SORCS2: variants seen among roughly 807,000 people sequenced by gnomAD.
SORCS2 encodes the protein VPS10 domain-containing receptor SorCS2.
Under a neutral mutation model 141.6 loss-of-function variants are expected in SORCS2, and 100 were observed. That is an observed-to-expected ratio of 0.71 (90% confidence interval 0.60 to 0.83). The LOEUF (loss-of-function observed/expected upper bound fraction) is 0.83, where lower values mean the gene tolerates loss of function less well. SORCS2 is among the 40% of genes least tolerant of loss of function. The probability of loss-of-function intolerance (pLI) is 0.00; values close to 1 mark genes in which losing one functional copy is unlikely to be tolerated. For synonymous variants in SORCS2, 789 were observed against 676.9 expected (o/e 1.17, Z -2.57); for missense variants, 1,646 against 1,560.2 (o/e 1.05, Z -0.93).
intron 14 of SORCS2, among the ~76,000 whole-genome samples, chr4:7,705,541 C>A (rs1156880789): frequency 6.6e-6 from 1 of 152,370 alleles, no homozygotes; most frequent in Non-Finnish European, 1.5e-5. Flanking sequence ...CCTTCTAGAG[C>A]AGGCAGGACC....
chr4:7,701,164 C>G (rs1280941510), intron 12 of SORCS2, among the ~76,000 whole-genome samples: 1 of 148,862 alleles, frequency 6.7e-6, no homozygotes, highest in Non-Finnish European at 1.5e-5. Flanking sequence ...GACCCCCACT[C>G]TAAACAGGAA....
intron 25 of SORCS2, among the ~76,000 whole-genome samples, chr4:7,736,052 T>C (rs868723936): frequency 1.3e-5 from 2 of 152,240 alleles, no homozygotes; most frequent in Non-Finnish European, 2.9e-5. Flanking sequence ...CCCAATATAC[T>C]TCAAGGCTCC....
At position 7,257,146 on chromosome 4, in the gene SORCS2, C is replaced by T. The variant is rs190967587; in HGVS notation, c.480+64020C>T. ...TGTGTGAATCTTGGCCGGGCTCCCT[C>T]GGGCCCTGGAGTGGGCAGGTGGCCA... On this transcript the variant is annotated intron_variant, in intron 1 of 26. Transcript: ENST00000507866. 2.9e-3 allele frequency among the ~76,000 whole-genome samples: 446 copies of T among 152,102 alleles called. 2 individuals are homozygous for T. The highest frequency in any genetic ancestry group is 8.1e-3 in the South Asian group (39 of 4,800).
intron 2 of SORCS2, among the ~76,000 whole-genome samples, chr4:7,480,679 A>G (rs1056861936): frequency 1.3e-5 from 2 of 152,172 alleles, no homozygotes; most frequent in African/African-American, 4.8e-5. Flanking sequence ...GGCCAGAACC[A>G]TGTGTGATAT....
intron 1 of SORCS2, among the ~76,000 whole-genome samples, chr4:7,279,171 C>G (rs1173297617): frequency 1.3e-5 from 2 of 152,168 alleles, no homozygotes; most frequent in African/African-American, 4.8e-5. Flanking sequence ...TACACCCCTC[C>G]TCCCTTTTTT....
At chr4:7,404,298 A>T (rs968217104) in intron 2 of SORCS2, among the ~76,000 whole-genome samples, 10 of 152,124 alleles carry the variant, frequency 6.6e-5, no homozygotes, top group African/African-American at 2.4e-4. Context: ...TAGTGCTGCG[A>T]TAAACATATG....
chr4:7,241,255 G>A (rs1162496699), intron 1 of SORCS2, among the ~76,000 whole-genome samples: 1 of 152,168 alleles, frequency 6.6e-6, no homozygotes, highest in Non-Finnish European at 1.5e-5. Flanking sequence ...TTTCCTGGGG[G>A]GCCGGTGGGG....
intron 2 of SORCS2, among the ~76,000 whole-genome samples, chr4:7,423,386 G>A (rs573339249): frequency 1.2e-3 from 189 of 152,152 alleles, no homozygotes; most frequent in Non-Finnish European, 1.3e-3. Flanking sequence ...CCAGTGCCTA[G>A]AGCTCTCCTG....
chr4:7,288,753 T>G (rs914009949), intron 1 of SORCS2, among the ~76,000 whole-genome samples: 1 of 124,534 alleles, frequency 8.0e-6, no homozygotes, highest in African/African-American at 3.1e-5. Context: ...TACAGTCACA[T>G]TGGCAGCGAG....
intron 3 of SORCS2, among the ~76,000 whole-genome samples, chr4:7,536,609 C>T (rs1329197665): frequency 3.3e-5 from 5 of 152,126 alleles, no homozygotes; most frequent in South Asian, 2.1e-4. Flanking sequence ...CAGCCGTGCA[C>T]GGCCCCTGGC....
intron 9 of SORCS2, among the ~76,000 whole-genome samples, chr4:7,680,724 C>T (rs189155053): frequency 5.2e-4 from 79 of 152,368 alleles, no homozygotes; most frequent in African/African-American, 1.8e-3. Context: ...CCCTTGGCTC[C>T]TGACTCTGTC....
intron 3 of SORCS2, among the ~76,000 whole-genome samples, chr4:7,578,542 G>A (rs1715923815): frequency 6.6e-6 from 1 of 152,238 alleles, no homozygotes; most frequent in Non-Finnish European, 1.5e-5. Flanking sequence ...GCCTGAGCCA[G>A]TTGATGAGTT....
intron 1 of SORCS2, among the ~76,000 whole-genome samples, chr4:7,257,130 C>T (rs1370001878): frequency 6.7e-6 from 1 of 148,258 alleles, no homozygotes; most frequent in Non-Finnish European, 1.5e-5. Context: ...ATGTGTGAAT[C>T]TTGGCCGGGC....
intron 1 of SORCS2, among the ~76,000 whole-genome samples, chr4:7,209,887 G>A (rs1211412872): frequency 3.3e-5 from 5 of 152,224 alleles, no homozygotes; most frequent in Admixed American, 2.6e-4. Context: ...AGCGACTCAC[G>A]TATTTAGCAG....
chr4:7,315,318 T>C (rs899767622), intron 1 of SORCS2, among the ~76,000 whole-genome samples: 1 of 152,236 alleles, frequency 6.6e-6, no homozygotes, highest in Non-Finnish European at 1.5e-5. Context: ...CCTGAGATCA[T>C]GGTGTCAGTA....
At chr4:7,414,980 G>C (rs1035506623) in intron 2 of SORCS2, among the ~76,000 whole-genome samples, 1 of 152,168 alleles carries the variant, frequency 6.6e-6, no homozygotes, top group Non-Finnish European at 1.5e-5. Flanking sequence ...GTTGGAGTTT[G>C]TCCGGCTTTC....
chr4:7,219,400 C>T (rs1051273298), intron 1 of SORCS2, among the ~76,000 whole-genome samples: 1 of 152,122 alleles, frequency 6.6e-6, no homozygotes, highest in Non-Finnish European at 1.5e-5. Flanking sequence ...AGCCTGGGCA[C>T]CCAGATGATT....
chr4:7,709,198 G>A (rs1253439509), intron 14 of SORCS2, among the ~76,000 whole-genome samples: 1 of 152,208 alleles, frequency 6.6e-6, no homozygotes, highest in Non-Finnish European at 1.5e-5. Flanking sequence ...GCCGCGGGGG[G>A]CCAGCAGTGC....
chr4:7,438,849 A>C (rs575735091), intron 2 of SORCS2, among the ~76,000 whole-genome samples: 6 of 151,916 alleles, frequency 3.9e-5, no homozygotes, highest in African/African-American at 1.4e-4. Context: ...ATCTGTCCCC[A>C]CACATGTATA....
Sources: gnomAD v4.1 joint callset for allele counts (sites outside exome capture counted in the v4.1 genomes callset) on GRCh38, gnomAD v4.1.1 for gene constraint, MANE v1.5 for transcripts, NCBI Gene and HGNC (gene_info 2026-07-23, HGNC 2026-07-21) for gene names.